SUPT3H: variants seen among roughly 807,000 people sequenced by gnomAD.
SUPT3H encodes SPT3 homolog, SAGA and STAGA complex component, also known as transcription initiation protein SPT3 homolog.
A neutral mutation model predicts 44.3 loss-of-function variants in SUPT3H; 44 were observed. The observed-to-expected ratio is 0.99, with a 90% CI of 0.78 to 1.28. SUPT3H has a LOEUF of 1.28. Ranked by LOEUF, SUPT3H falls within the 50% of genes most tolerant of loss-of-function variation. The pLI, the probability that SUPT3H is intolerant of heterozygous loss-of-function variation, is 0.00. For missense variants in SUPT3H, 380 were observed against 387.1 expected, an observed-to-expected ratio of 0.98 and a Z score of 0.15; for synonymous variants, 124 against 125.6, an observed-to-expected ratio of 0.99 and a Z score of 0.09.
chr6:44,938,324 A>G (rs899884312), intron 9 of SUPT3H, among the ~76,000 whole-genome samples: 2 of 152,062 alleles, frequency 1.3e-5, no homozygotes, highest in Non-Finnish European at 2.9e-5. Context: ...CTTTTTCTGA[A>G]GAGGGTGTCC....
intron 2 of SUPT3H, among the ~76,000 whole-genome samples, chr6:45,317,227 CA>C (rs70996324): frequency 0.047 from 1,688 of 36,000 alleles, 16 homozygotes; most frequent in East Asian, 0.19. Context: ...GACTCTGTCT[CA>C]AAAAAAAAAA....
intron 2 of SUPT3H, among the ~76,000 whole-genome samples, chr6:45,175,032 A>T (rs1811476934): frequency 6.6e-6 from 1 of 151,172 alleles, no homozygotes; most frequent in Non-Finnish European, 1.5e-5. Flanking sequence ...AAAAAAAAAA[A>T]AAAAAAAATT....
At chr6:44,820,705 CAAAAT>C (rs1767242611) in intron 11 of SUPT3H, among the ~76,000 whole-genome samples, 1 of 151,860 alleles carries the variant, frequency 6.6e-6, no homozygotes, top group Admixed American at 6.6e-5. Context: ...AACACAGTAA[CAAAAT>C]AAACAGATCT....
At chr6:45,264,980 A>G (rs769570045) in intron 2 of SUPT3H, among the ~76,000 whole-genome samples, 12 of 152,198 alleles carry the variant, frequency 7.9e-5, no homozygotes, top group Non-Finnish European at 1.8e-4. Flanking sequence ...CACTTTAATG[A>G]GATTAATTTG....
At chr6:45,158,809 G>A (rs1209889796) in intron 2 of SUPT3H, 1 of 152,088 alleles carries the variant, frequency 6.6e-6, no homozygotes. Context: ...CCAAGAATAT[G>A]TAGGTAATGG....
intron 7 of SUPT3H, 51 bp downstream of exon 7, chr6:44,961,702 T>C (rs775222314): frequency 1.4e-6 from 2 of 1,391,168 alleles, no homozygotes; most frequent in Non-Finnish European, 2.0e-6. Flanking sequence ...AGTACATCTA[T>C]AACACAAATC....
chr6:44,993,335 AT>A (rs1335242381), intron 6 of SUPT3H, among the ~76,000 whole-genome samples: 5 of 152,110 alleles, frequency 3.3e-5, no homozygotes, highest in African/African-American at 1.2e-4. Context: ...CCATCTTCAA[AT>A]TGGATATAGT....
chr6:45,317,119 C>T (rs1384555627), intron 2 of SUPT3H, among the ~76,000 whole-genome samples: 1 of 145,890 alleles, frequency 6.9e-6, no homozygotes, highest in Non-Finnish European at 1.5e-5. Flanking sequence ...TCCAGCTACT[C>T]AGGAGGCTGA....
intron 9 of SUPT3H, among the ~76,000 whole-genome samples, chr6:44,946,630 A>C (rs1773392036): frequency 6.6e-6 from 1 of 152,188 alleles, no homozygotes; most frequent in Non-Finnish European, 1.5e-5. Context: ...TGAACTGCTC[A>C]ATCTCATGAT....
chr6:45,004,807 C>A (rs1047928419), intron 5 of SUPT3H, among the ~76,000 whole-genome samples: 1 of 152,124 alleles, frequency 6.6e-6, no homozygotes, highest in African/African-American at 2.4e-5. Flanking sequence ...TCTGGTCTTG[C>A]ACTTCATGTT....
At chr6:45,106,543 T>A (rs933638600) in intron 2 of SUPT3H, among the ~76,000 whole-genome samples, 54 of 151,880 alleles carry the variant, frequency 3.6e-4, no homozygotes, top group African/African-American at 1.1e-3. Context: ...TTTTATTTTT[T>A]TTATTTTTTT....
chr6:45,337,067 T>C (rs1356072218), intron 2 of SUPT3H, among the ~76,000 whole-genome samples: 5 of 151,590 alleles, frequency 3.3e-5, no homozygotes, highest in Non-Finnish European at 7.4e-5. Context: ...GCAACAATAA[T>C]ATAGTGAGAA....
chr6:45,161,564 GA>G (rs757302647), intron 2 of SUPT3H, among the ~76,000 whole-genome samples: 13 of 151,952 alleles, frequency 8.6e-5, no homozygotes, highest in Non-Finnish European at 1.5e-4. Flanking sequence ...AGCACTTTTG[GA>G]AGTACCATTA....
At chr6:45,262,803 C>T (rs1183704128) in intron 2 of SUPT3H, among the ~76,000 whole-genome samples, 1 of 151,792 alleles carries the variant, frequency 6.6e-6, no homozygotes, top group Non-Finnish European at 1.5e-5. Flanking sequence ...ATGTGAAATA[C>T]AACCCCATTA....
intron 2 of SUPT3H, among the ~76,000 whole-genome samples, chr6:45,299,446 T>C (rs9296458): frequency 0.59 from 89,012 of 151,942 alleles, 26,888 homozygotes; most frequent in African/African-American, 0.74. Flanking sequence ...AAATCTTAAC[T>C]GAAGATTGAA....
At position 44,853,800 on chromosome 6, in the gene SUPT3H, G is replaced by A. The variant is rs538914307; in HGVS notation, c.913-23943C>T. 1.7e-4 allele frequency among the ~76,000 whole-genome samples: 26 copies of A among 152,048 alleles called. No homozygotes were observed. In the South Asian group the frequency reaches 4.6e-3, roughly 27 times the overall value. On this transcript the variant is annotated intron_variant, in intron 10 of 10. Coordinates refer to ENST00000371459, the MANE Select transcript of SUPT3H (RefSeq NM_003599.4). ...AGGGGAAAAATGTGTAGCAAATAAAGTTTGCTTTATTATGCTGGTAAGAGT... is the reference window on the plus strand; with the variant it reads ...AGGGGAAAAATGTGTAGCAAATAAAATTTGCTTTATTATGCTGGTAAGAGT...
At chr6:44,990,970 T>C (rs1780535818) in intron 6 of SUPT3H, among the ~76,000 whole-genome samples, 1 of 152,014 alleles carries the variant, frequency 6.6e-6, no homozygotes, top group East Asian at 1.9e-4. Flanking sequence ...TTTGGATTTT[T>C]CTAAAGTTTG....
intron 2 of SUPT3H, chr6:45,322,807 G>A: frequency 3.6e-6 from 4 of 1,125,118 alleles, no homozygotes; most frequent in Non-Finnish European, 5.4e-6. Flanking sequence ...CATATATTTT[G>A]GCAAGATGCA....
At chr6:44,878,366 G>A (rs1451789301) in intron 10 of SUPT3H, among the ~76,000 whole-genome samples, 1 of 152,100 alleles carries the variant, frequency 6.6e-6, no homozygotes, top group African/African-American at 2.4e-5. Context: ...AAAACAACGT[G>A]CCATTTGTGG....
Sources: gnomAD v4.1 joint callset for allele counts (sites outside exome capture counted in the v4.1 genomes callset) on GRCh38, gnomAD v4.1.1 for gene constraint, MANE v1.5 for transcripts, NCBI Gene and HGNC (gene_info 2026-07-23, HGNC 2026-07-21) for gene names.